ARFGEF3: variants seen among roughly 807,000 people sequenced by gnomAD.
The protein encoded by ARFGEF3 is ARFGEF family member 3.
Under a neutral mutation model 221.7 loss-of-function variants are expected in ARFGEF3, and 96 were observed. The observed-to-expected ratio is 0.43, with a 90% CI of 0.37 to 0.51. The LOEUF is 0.51. Ranked by LOEUF, ARFGEF3 falls within the 20% of genes least tolerant of loss-of-function variation. The pLI is 0.00. For missense variants in ARFGEF3, 2,410 were observed against 2,789.9 expected (o/e 0.86, Z 3.07); for synonymous variants, 1,145 against 1,126.8 (o/e 1.02, Z -0.32).
At chr6:138,170,053 A>G (rs904045022) in intron 1 of ARFGEF3, among the ~76,000 whole-genome samples, 1 of 152,218 alleles carries the variant, frequency 6.6e-6, no homozygotes. Flanking sequence ...TGAGCTTTTC[A>G]TTATCTCTAA....
chr6:138,292,102 C>T (rs561265333), intron 19 of ARFGEF3, 49 bp downstream of exon 19: 2 of 1,348,132 alleles, frequency 1.5e-6, no homozygotes, highest in East Asian at 3.0e-5. Flanking sequence ...TACCAGGCGA[C>T]ACCCACATCC....
intron 32 of ARFGEF3, among the ~76,000 whole-genome samples, chr6:138,330,957 T>C (rs1320489291): frequency 6.6e-6 from 1 of 152,230 alleles, no homozygotes; most frequent in South Asian, 2.1e-4. Context: ...ATACCAAAGA[T>C]TGTGCAATCC....
intron 2 of ARFGEF3, among the ~76,000 whole-genome samples, chr6:138,185,211 G>GAGCAGCTATAGCTGTTTGC (rs1471792860): frequency 6.6e-6 from 1 of 152,198 alleles, no homozygotes; most frequent in Non-Finnish European, 1.5e-5. Flanking sequence ...ATGATGCTTG[G>GAGCAGCTATAGCTGTTTGC]AGCAGCTATA....
rs551271875 is a variant in ARFGEF3 at position 138,308,994 on chromosome 6, G to A, written c.4096+133G>A. 162 of 1,100,268 alleles carry A rather than the reference G, an allele frequency of 1.5e-4. 2 individuals carry two copies. In the South Asian group the frequency reaches 2.3e-3, roughly 15 times the overall value. 68.2% of individuals were successfully genotyped at this position (1,100,268 alleles called of 1,614,324 possible). On this transcript the variant is annotated intron_variant, in intron 24 of 33. Coordinates refer to ENST00000251691, the MANE Select transcript of ARFGEF3 (RefSeq NM_020340.5). Reference sequence around the variant, plus strand: ...TGGGGTACAAGCAGATGGTGGTGTTGTGTACTCAAAAGCAAAAACTTACTG... The same window carrying A: ...TGGGGTACAAGCAGATGGTGGTGTTATGTACTCAAAAGCAAAAACTTACTG...
chr6:138,293,400 G>A (rs904444721), intron 19 of ARFGEF3, among the ~76,000 whole-genome samples: 2 of 152,188 alleles, frequency 1.3e-5, no homozygotes, highest in South Asian at 2.1e-4. Flanking sequence ...CCAGCTGAGT[G>A]GGAAAGAAAA....
chr6:138,292,912 G>A (rs1779438586), intron 19 of ARFGEF3, among the ~76,000 whole-genome samples: 1 of 152,188 alleles, frequency 6.6e-6, no homozygotes, highest in Non-Finnish European at 1.5e-5. Flanking sequence ...ACAGGTGTCA[G>A]GTGGAATATA....
In ARFGEF3 at chr6:138,192,318, G is replaced by A. The variant is rs372559440; in HGVS notation, c.138-14724G>A. Among the ~76,000 whole-genome samples, 9 of 152,068 alleles carry A rather than the reference G, an allele frequency of 5.9e-5. No individual in the cohort carries two copies. In the East Asian group the frequency reaches 9.7e-4, roughly 16 times the overall value. On this transcript the variant is annotated intron_variant, in intron 2 of 33. Coordinates refer to ENST00000251691, the MANE Select transcript of ARFGEF3 (RefSeq NM_020340.5). ...AGCCTGGCTAACATGACGAAACATC[G>A]TCTACTAAAAATACAAAAATTTGCC...
At chr6:138,322,672 G>A (rs553277586) in intron 29 of ARFGEF3, among the ~76,000 whole-genome samples, 1 of 152,010 alleles carries the variant, frequency 6.6e-6, no homozygotes, top group Non-Finnish European at 1.5e-5. Context: ...GCGGGCGCCT[G>A]TAGTCCCAGC....
At chr6:138,245,721 A>G in intron 8 of ARFGEF3, 130 bp downstream of exon 8, 1 of 729,984 alleles carries the variant, frequency 1.4e-6, no homozygotes. Flanking sequence ...TCCACACCCT[A>G]AACGCTGTTA....
At chr6:138,216,962 C>T (rs1017081543) in intron 4 of ARFGEF3, 2 of 152,186 alleles carry the variant, frequency 1.3e-5, no homozygotes, top group Non-Finnish European at 2.9e-5. Context: ...TTCTACTTTG[C>T]AAACAGACTA....
At chr6:138,243,735 G>T (rs1375172098) in intron 7 of ARFGEF3, among the ~76,000 whole-genome samples, 1 of 151,900 alleles carries the variant, frequency 6.6e-6, no homozygotes, top group Non-Finnish European at 1.5e-5. Flanking sequence ...AAAAGGGAGA[G>T]AATGAAAAGG....
chr6:138,208,603 C>G (rs1276936010), intron 3 of ARFGEF3, among the ~76,000 whole-genome samples: 1 of 152,038 alleles, frequency 6.6e-6, no homozygotes, highest in Admixed American at 6.6e-5. Flanking sequence ...ATACTGGGGT[C>G]TCAAAAATCA....
At position 138,334,739 on chromosome 6, in the gene ARFGEF3, G is replaced by T; in HGVS notation, c.5893G>T (p.Asp1965Tyr). The change falls in exon 33 of 34, where the codon GAC (aspartate) becomes TAC (tyrosine). Residue 1965 changes from aspartate to tyrosine, a missense_variant. Coordinates refer to ENST00000251691, the MANE Select transcript of ARFGEF3 (RefSeq NM_020340.5). This position sits in a 1 kb window ranked among gnomAD's most constrained non-coding sequence, Gnocchi z 5.1. ...TGGGAAAGAAACCCCTTCCGAGGAT[G>T]ACAGAAGCCAGTCCCGGGAGCACAT... ...FSGKETPSED[D>Y]RSQSREHMGE... is the part of the protein sequence containing the mutation. The T allele has an allele frequency of 6.2e-7, 1 of 1,609,522 alleles. No homozygotes were observed. The highest frequency in any genetic ancestry group is 8.5e-7 in the Non-Finnish European group (1 of 1,177,102).
intron 12 of ARFGEF3, among the ~76,000 whole-genome samples, chr6:138,270,465 T>C (rs796343033): frequency 0.016 from 949 of 60,804 alleles, 7 homozygotes; most frequent in African/African-American, 0.039. Flanking sequence ...CACACACACA[T>C]ATATATATCT....
Position 138,334,165 on chromosome 6 carries a change from G to A in ARFGEF3, c.5319G>A (p.Leu1773=), listed in dbSNP as rs1780277368. 6.2e-7 allele frequency: 1 copy of A among 1,613,824 alleles called. No individual in the cohort carries two copies. Among genetic ancestry groups the A allele is most frequent in the South Asian group, 1.1e-5 (1 of 91,084 alleles). ...AGAACTTGGCAGTCATATTCGACCT[G>A]CTGCTGGACTCTTATAGGACTGCCA... ...SMQNLAVIFD[L]LLDSYRTARE... The change falls in exon 33 of 34, where the codon CTG becomes CTA. Residue 1773 remains leucine (L), a synonymous_variant. Transcript: ENST00000251691. This position sits in a 1 kb window ranked among gnomAD's most constrained non-coding sequence, Gnocchi z 5.1.
chr6:138,313,706 T>G (rs1480679834), intron 25 of ARFGEF3, 89 bp from the exon 26 acceptor site: 1 of 1,032,870 alleles, frequency 9.7e-7, no homozygotes, highest in East Asian at 2.5e-5. Context: ...CTCCTTTTAG[T>G]ACTAGTGTAT....
chr6:138,287,039 C>T lies in ARFGEF3; in HGVS notation c.2786-35C>T, dbSNP rs754136693. The T allele has an allele frequency of 4.5e-6, 7 of 1,558,452 alleles. No individual in the cohort carries two copies. In the Admixed American group the frequency reaches 1.4e-4, roughly 30 times the overall value. On this transcript the variant is annotated intron_variant, in intron 16 of 33. Coordinates refer to ENST00000251691, the MANE Select transcript of ARFGEF3 (RefSeq NM_020340.5). ...GCTAGGTGAATGGTTAGAGGATATA[C>T]TCAGTCAAGAAGTCATTGTGTGTCT...
At position 138,336,526 on chromosome 6, in the gene ARFGEF3, A is replaced by G; in HGVS notation, c.*40A>G. ...ACTCTCCCACCAAATAACAGTAGTG[A>G]GGGTTAGAGTCCTGCCAATACAGCT... On this transcript the variant is annotated 3_prime_UTR_variant, in exon 34 of 34. Transcript: ENST00000251691. The G allele has an allele frequency of 6.6e-7, 1 of 1,524,438 alleles. No homozygotes were observed. The highest frequency in any genetic ancestry group is 2.3e-5 in the East Asian group (1 of 42,608). The allele number at this position is 1,524,438 out of a possible 1,614,324, so 94.4% of individuals were successfully genotyped here. A position where few individuals can be genotyped will look rare whatever the true frequency, so the allele number is the denominator to read the frequency against.
intron 4 of ARFGEF3, among the ~76,000 whole-genome samples, chr6:138,220,744 T>C (rs930923497): frequency 1.3e-5 from 2 of 152,192 alleles, no homozygotes. Flanking sequence ...GTAATTTCTT[T>C]TTCCCATCTT....
Sources: allele counts gnomAD v4.1 joint callset (sites outside exome capture counted in the v4.1 genomes callset), GRCh38; gene constraint gnomAD v4.1.1; non-coding constraint Gnocchi (gnomAD v3.1); transcripts MANE v1.5; gene names NCBI Gene and HGNC (gene_info 2026-07-23, HGNC 2026-07-21).